The following CUL2 variants were observed in gnomAD, a reference collection of about 807,000 sequenced individuals.
CUL2 encodes the protein cullin-2.
CUL2 carries 22 observed loss-of-function variants against 110.2 expected under a neutral mutation model. That is an observed-to-expected ratio of 0.20 (90% CI 0.14 to 0.28). CUL2 has a LOEUF of 0.28. Among genes scored for constraint, CUL2 ranks in the 10% least tolerant of loss-of-function variants. The pLI is 1.00. For synonymous variants in CUL2, 279 were observed against 293.2 expected (o/e 0.95, Z 0.49); for missense variants, 631 against 905.5 (o/e 0.70, Z 3.89).
Position 35,015,060 on chromosome 10 carries a change from G to A in CUL2, c.1887+1132C>T, listed in dbSNP as rs565334362. Among the ~76,000 whole-genome samples the A allele has an allele frequency of 1.4e-4, 21 of 152,072 alleles. No individual in the cohort carries two copies. The South Asian group carries it at 4.4e-3, about 32-fold the overall frequency. Reference sequence around the variant, plus strand: ...TCCCAGAACTTTGGGAAAGACAGGTGGATCACCTGAGGTCAGGAGTTCGAG... The same window carrying A: ...TCCCAGAACTTTGGGAAAGACAGGTAGATCACCTGAGGTCAGGAGTTCGAG... On this transcript the variant is annotated intron_variant, in intron 18 of 20. Transcript: ENST00000374749.
intron 8 of CUL2, among the ~76,000 whole-genome samples, chr10:35,039,305 TA>T (rs1335156729): frequency 6.6e-6 from 1 of 152,240 alleles, no homozygotes; most frequent in East Asian, 1.9e-4. Context: ...AAGCAAGAAC[TA>T]AAGTTAAATA....
At chr10:35,119,592 ATTTAT>A (rs1433784166) in intron 1 of CUL2, among the ~76,000 whole-genome samples, 19 of 149,762 alleles carry the variant, frequency 1.3e-4, no homozygotes, top group African/African-American at 4.7e-4. Flanking sequence ...TTATTTATTT[ATTTAT>A]TTATTTATTT....
intron 16 of CUL2, among the ~76,000 whole-genome samples, chr10:35,026,557 T>C (rs1052041672): frequency 1.3e-5 from 2 of 152,212 alleles, no homozygotes; most frequent in African/African-American, 4.8e-5. Flanking sequence ...AAACATGTTT[T>C]ACCTCTTCAG....
intron 1 of CUL2, among the ~76,000 whole-genome samples, chr10:35,102,059 G>A (rs2135109297): frequency 6.6e-6 from 1 of 152,212 alleles, no homozygotes; most frequent in South Asian, 2.1e-4. Context: ...GGCCAATAAG[G>A]TGAAACCCCA....
chr10:35,031,243 C>G lies in CUL2; in HGVS notation c.1386+57G>C. On this transcript the variant is annotated intron_variant, in intron 14 of 20. Transcript: ENST00000374749. This position sits in a 1 kb window ranked among gnomAD's most constrained non-coding sequence, Gnocchi z 4.4. ...CTGTACACAATGCTGCAATGAACAT[C>G]TTTATGTGCTTGTGAATGAATTTCT... 2 of 1,109,378 alleles carry G rather than the reference C, an allele frequency of 1.8e-6. No individual in the cohort carries two copies. Among genetic ancestry groups the G allele is most frequent in the Non-Finnish European group, 2.6e-6 (2 of 757,674 alleles). 68.7% of individuals were successfully genotyped at this position (1,109,378 alleles called of 1,614,324 possible).
intron 2 of CUL2, among the ~76,000 whole-genome samples, chr10:35,099,959 T>C (rs2087354908): frequency 6.6e-6 from 1 of 151,970 alleles, no homozygotes; most frequent in Non-Finnish European, 1.5e-5. Context: ...AATTGTGTAG[T>C]GGGGTTTTTG....
At chr10:35,045,593 T>TG (rs2085916908) in intron 6 of CUL2, among the ~76,000 whole-genome samples, 1 of 149,540 alleles carries the variant, frequency 6.7e-6, no homozygotes, top group African/African-American at 2.5e-5. Context: ...CACATGCTTG[T>TG]GGTCCCAGCT....
chr10:35,088,073 G>A (rs554144190), intron 1 of CUL2, among the ~76,000 whole-genome samples: 1 of 152,080 alleles, frequency 6.6e-6, no homozygotes, highest in East Asian at 1.9e-4. Context: ...TTCTTTTCTG[G>A]TTACAGTATC....
chr10:35,120,212 C>T (rs1004194655), intron 1 of CUL2, among the ~76,000 whole-genome samples: 1 of 152,052 alleles, frequency 6.6e-6, no homozygotes, highest in Non-Finnish European at 1.5e-5. Context: ...ACACAAATAC[C>T]AAATTAATTG....
chr10:35,072,046 T>C (rs1351229224), intron 1 of CUL2, among the ~76,000 whole-genome samples: 1 of 152,078 alleles, frequency 6.6e-6, no homozygotes, highest in African/African-American at 2.4e-5. Context: ...TCCTTGTGGT[T>C]TGCACTCCTG....
chr10:35,098,950 A>C (rs890849683), intron 2 of CUL2, among the ~76,000 whole-genome samples: 2 of 152,144 alleles, frequency 1.3e-5, no homozygotes, highest in Non-Finnish European at 2.9e-5. Flanking sequence ...AATAAATTAA[A>C]TAAGTAATAT....
upstream of CUL2, among the ~76,000 whole-genome samples, chr10:35,093,122 A>G (rs776187262): frequency 6.6e-6 from 1 of 152,028 alleles, no homozygotes; most frequent in African/African-American, 2.4e-5. Flanking sequence ...CCACACCCCT[A>G]TGATTCCATC....
intron 4 of CUL2, among the ~76,000 whole-genome samples, chr10:35,058,724 C>T (rs959039076): frequency 6.6e-6 from 1 of 152,112 alleles, no homozygotes; most frequent in African/African-American, 2.4e-5. Context: ...AGTAGGTAAC[C>T]ATTTGCCTCA....
chr10:35,085,868 G>A (rs1484833455), intron 1 of CUL2, among the ~76,000 whole-genome samples: 3 of 152,142 alleles, frequency 2.0e-5, no homozygotes, highest in African/African-American at 7.2e-5. Context: ...CAGCGAGGGA[G>A]GAAGGGCATA....
At chr10:35,011,660 C>T (rs895868205) in intron 20 of CUL2, among the ~76,000 whole-genome samples, 188 bp downstream of exon 20, 16 of 152,060 alleles carry the variant, frequency 1.1e-4, no homozygotes, top group Admixed American at 5.2e-4. Flanking sequence ...GCCACTGTGC[C>T]CAGCCTGCAA....
At chr10:35,060,701 C>A (rs1414681439) in intron 4 of CUL2, among the ~76,000 whole-genome samples, 173 bp downstream of exon 4, 1 of 152,182 alleles carries the variant, frequency 6.6e-6, no homozygotes, top group African/African-American at 2.4e-5. Flanking sequence ...CTCCTAAATA[C>A]CCACCTTACC....
At chr10:35,101,048 G>A (rs1042757254) in exon 2 of CUL2, 9 of 152,206 alleles carry the variant, frequency 5.9e-5, no homozygotes, top group African/African-American at 2.2e-4. Flanking sequence ...CAGGAATGGA[G>A]AGTGCCTCTA....
chr10:35,037,070 T>G (rs1207366718), intron 9 of CUL2, among the ~76,000 whole-genome samples: 1 of 152,224 alleles, frequency 6.6e-6, no homozygotes, highest in African/African-American at 2.4e-5. Context: ...GGGCTTTTTG[T>G]GTCCTATTTA....
At chr10:35,084,444 C>T (rs145957894) in intron 1 of CUL2, among the ~76,000 whole-genome samples, 3 of 152,336 alleles carry the variant, frequency 2.0e-5, no homozygotes, top group Non-Finnish European at 4.4e-5. Flanking sequence ...TAACCTAACA[C>T]TACTACTGTC....
Sources: allele counts gnomAD v4.1 joint callset (sites outside exome capture counted in the v4.1 genomes callset), GRCh38; gene constraint gnomAD v4.1.1; non-coding constraint Gnocchi (gnomAD v3.1); transcripts MANE v1.5; gene names NCBI Gene and HGNC (gene_info 2026-07-23, HGNC 2026-07-21).